Variants in PCDH11Y observed in about 807,000 individuals in gnomAD.
PCDH11Y encodes the protein protocadherin-11 Y-linked.
For synonymous variants in PCDH11Y, 9 were observed against 83.6 expected, an observed-to-expected ratio of 0.11 and a Z score of 4.87; for missense variants, 12 against 224.8, an observed-to-expected ratio of 0.05 and a Z score of 6.05.
chrY:5,190,580 A>T, intron 2 of PCDH11Y, among the ~76,000 whole-genome samples: 1 of 33,592 alleles, frequency 3.0e-5, no homozygotes. Flanking sequence ...GACAAGTATT[A>T]CCAAGGAGGA....
chrY:5,700,571 A>G, intron 4 of PCDH11Y, among the ~76,000 whole-genome samples: 1 of 33,644 alleles, frequency 3.0e-5, no homozygotes. Context: ...GCCTATTGCC[A>G]TGTAAAACAT....
intron 2 of PCDH11Y, among the ~76,000 whole-genome samples, chrY:5,136,081 T>A: frequency 6.0e-5 from 2 of 33,069 alleles, no homozygotes; most frequent in African/African-American, 2.4e-4. Context: ...CTACTTTGCT[T>A]CTCTGCCACC....
At chrY:5,572,069 T>A in intron 3 of PCDH11Y, among the ~76,000 whole-genome samples, 1 of 32,342 alleles carries the variant, frequency 3.1e-5, no homozygotes, top group Non-Finnish European at 7.6e-5. Flanking sequence ...TGAGTTCAAA[T>A]TTTTTTTTAG....
chrY:5,188,979 T>C (rs2124648008), intron 2 of PCDH11Y, among the ~76,000 whole-genome samples: 1 of 33,917 alleles, frequency 2.9e-5, no homozygotes, highest in Non-Finnish European at 7.4e-5. Flanking sequence ...CTAAAATTCA[T>C]ATGGAACCAC....
At chrY:5,500,559 C>A in intron 2 of PCDH11Y, among the ~76,000 whole-genome samples, 2 of 33,105 alleles carry the variant, frequency 6.0e-5, no homozygotes, top group Non-Finnish European at 1.5e-4. Flanking sequence ...CTCTAAGATT[C>A]TTCTAAAGGA....
chrY:5,139,219 T>C, intron 2 of PCDH11Y, among the ~76,000 whole-genome samples: 1 of 33,350 alleles, frequency 3.0e-5, no homozygotes, highest in African/African-American at 1.2e-4. Context: ...CTCAGCAAAA[T>C]TGGCATACAA....
intron 4 of PCDH11Y, among the ~76,000 whole-genome samples, chrY:5,728,232 TAAA>T (rs2053600297): frequency 3.0e-5 from 1 of 33,663 alleles, no homozygotes; most frequent in Non-Finnish European, 7.4e-5. Context: ...AACTTGCACA[TAAA>T]AATTTCTACG....
intron 2 of PCDH11Y, chrY:5,338,103 G>T: frequency 2.9e-6 from 1 of 341,985 alleles, no homozygotes; most frequent in South Asian, 3.1e-5. Flanking sequence ...TTCTCAGTGA[G>T]CCAGTCCACC....
intron 2 of PCDH11Y, among the ~76,000 whole-genome samples, chrY:5,235,802 G>A (rs2052974409): frequency 3.0e-5 from 1 of 33,275 alleles, no homozygotes; most frequent in Admixed American, 2.8e-4. Context: ...TTGCTGGATT[G>A]AACAGTATTT....
chrY:5,043,963 T>G (rs2052624287), intron 3 of PCDH11Y, among the ~76,000 whole-genome samples: 2 of 33,070 alleles, frequency 6.0e-5, no homozygotes, highest in Admixed American at 2.8e-4. Flanking sequence ...GATATCCCCT[T>G]TATCATTTTT....
At chrY:5,242,086 T>TA (rs2052988903) in intron 2 of PCDH11Y, among the ~76,000 whole-genome samples, 19 of 22,261 alleles carry the variant, frequency 8.5e-4, no homozygotes, top group East Asian at 2.3e-3. Context: ...CTTGTCTCTA[T>TA]AAAAAAAAAA....
At chrY:5,506,346 A>G (rs2053358999) in intron 3 of PCDH11Y, among the ~76,000 whole-genome samples, 2 of 32,989 alleles carry the variant, frequency 6.1e-5, no homozygotes, top group East Asian at 7.9e-4. Context: ...GTTTGCTGCT[A>G]TATGCCCAGG....
intron 3 of PCDH11Y, among the ~76,000 whole-genome samples, chrY:5,511,639 A>G (rs2053365080): frequency 3.1e-5 from 1 of 32,693 alleles, no homozygotes; most frequent in Non-Finnish European, 7.5e-5. Flanking sequence ...GTAAAAACAT[A>G]CTGCTTTCAG....
intron 4 of PCDH11Y, among the ~76,000 whole-genome samples, chrY:5,633,308 A>G: frequency 3.1e-5 from 1 of 32,301 alleles, no homozygotes; most frequent in African/African-American, 1.2e-4. Context: ...CTTTTTGGCT[A>G]CTATGAGCAA....
At chrY:5,330,409 T>A (rs2124667426) in intron 2 of PCDH11Y, among the ~76,000 whole-genome samples, 1 of 33,859 alleles carries the variant, frequency 3.0e-5, no homozygotes, top group Non-Finnish European at 7.3e-5. Context: ...TGGCTTGGCT[T>A]GGGCTCAGAG....
chrY:5,222,313 C>G, intron 2 of PCDH11Y, among the ~76,000 whole-genome samples: 2 of 32,730 alleles, frequency 6.1e-5, no homozygotes, highest in Non-Finnish European at 1.5e-4. Flanking sequence ...GAGGTGTTCT[C>G]TCCTCTCTTC....
chrY:5,438,424 C>T, intron 2 of PCDH11Y, among the ~76,000 whole-genome samples: 2 of 33,140 alleles, frequency 6.0e-5, no homozygotes, highest in African/African-American at 2.4e-4. Flanking sequence ...GTAAACCTGA[C>T]AACCTGTTGC....
chrY:5,103,909 T>A (rs201645706), downstream of PCDH11Y, among the ~76,000 whole-genome samples: 91 of 32,695 alleles, frequency 2.8e-3, no homozygotes, highest in East Asian at 0.047. Context: ...CTATACATTT[T>A]AAAAAAAATA....
chrY:5,635,018 A>G, intron 4 of PCDH11Y, among the ~76,000 whole-genome samples: 1 of 32,007 alleles, frequency 3.1e-5, no homozygotes, highest in Non-Finnish European at 7.5e-5. Context: ...TAGTGTTATT[A>G]CAAAGTACTT....
Sources: allele counts gnomAD v4.1 joint callset (sites outside exome capture counted in the v4.1 genomes callset), GRCh38; gene constraint gnomAD v4.1.1; transcripts MANE v1.5; gene names NCBI Gene and HGNC (gene_info 2026-07-23, HGNC 2026-07-21).